CTNNA2: variants seen among roughly 807,000 people sequenced by gnomAD.
CTNNA2 encodes the protein catenin alpha-2.
In CTNNA2, 42 loss-of-function variants were observed where a neutral mutation model predicts 101.0. The observed-to-expected ratio is 0.42, with a 90% CI of 0.32 to 0.54. CTNNA2 has a LOEUF of 0.54. Among genes scored for constraint, CTNNA2 ranks in the 20% least tolerant of loss-of-function variants. The probability of loss-of-function intolerance (pLI) is 0.14; values close to 1 mark genes in which losing one functional copy is unlikely to be tolerated. For missense variants in CTNNA2, 871 were observed against 1,223.1 expected (o/e 0.71, Z 4.29); for synonymous variants, 450 against 456.4 (o/e 0.99, Z 0.18).
rs144366693 is a variant in CTNNA2 at position 79,971,592 on chromosome 2, T to C, written c.1056+61795T>C. Among the ~76,000 whole-genome samples, 936 of 152,304 alleles carry C rather than the reference T, an allele frequency of 6.1e-3. 12 individuals carry two copies. The highest frequency in any genetic ancestry group is 0.021 in the African/African-American group (889 of 41,564). Reference sequence around the variant, plus strand: ...TCCCCCTTTTCAGAAGTGGGAAATATGGCTTTAACGTATTGTCTTACATCA... The same window carrying C: ...TCCCCCTTTTCAGAAGTGGGAAATACGGCTTTAACGTATTGTCTTACATCA... On this transcript the variant is annotated intron_variant, in intron 7 of 18. Transcript: ENST00000402739.
At chr2:80,288,054 T>C (rs1229748332) in intron 7 of CTNNA2, among the ~76,000 whole-genome samples, 1 of 152,178 alleles carries the variant, frequency 6.6e-6, no homozygotes, top group Non-Finnish European at 1.5e-5. Context: ...ACCCTATTTT[T>C]GTTGACACCT....
intron 7 of CTNNA2, among the ~76,000 whole-genome samples, chr2:80,067,394 A>G (rs1381858304): frequency 1.3e-5 from 2 of 152,128 alleles, no homozygotes; most frequent in African/African-American, 4.8e-5. Flanking sequence ...GAATATAAAC[A>G]TGTTTTATAT....
intron 3 of CTNNA2, among the ~76,000 whole-genome samples, chr2:79,762,667 A>G (rs1266352692): frequency 1.3e-5 from 2 of 152,176 alleles, no homozygotes; most frequent in Non-Finnish European, 2.9e-5. Flanking sequence ...ATTCATGTTT[A>G]TATTTCATTT....
At chr2:80,195,483 G>T (rs1013727072) in intron 7 of CTNNA2, among the ~76,000 whole-genome samples, 1 of 151,940 alleles carries the variant, frequency 6.6e-6, no homozygotes, top group East Asian at 1.9e-4. Flanking sequence ...TTGACAAATC[G>T]AGTCCAAGTT....
chr2:80,436,777 C>A (rs751492885), intron 9 of CTNNA2, among the ~76,000 whole-genome samples: 1 of 152,122 alleles, frequency 6.6e-6, no homozygotes, highest in Non-Finnish European at 1.5e-5. Context: ...TGTCAGTCCT[C>A]TTTTATAAGC....
chr2:80,489,876 G>A (rs1425633852), intron 9 of CTNNA2, among the ~76,000 whole-genome samples: 1 of 152,154 alleles, frequency 6.6e-6, no homozygotes, highest in Non-Finnish European at 1.5e-5. Flanking sequence ...TAAAATATAA[G>A]AGGAGACTCA....
intron 7 of CTNNA2, among the ~76,000 whole-genome samples, chr2:80,349,599 A>T (rs2149294867): frequency 6.6e-6 from 1 of 150,796 alleles, no homozygotes; most frequent in Non-Finnish European, 1.5e-5. Context: ...GTTTGTCTTT[A>T]TTTCTTTAAC....
chr2:80,478,559 T>A (rs1572990340), intron 9 of CTNNA2, among the ~76,000 whole-genome samples: 1 of 152,262 alleles, frequency 6.6e-6, no homozygotes, highest in East Asian at 1.9e-4. Flanking sequence ...CTTGAGTTAA[T>A]TTTTGTAAAC....
At chr2:79,872,489 C>T (rs1682667292) in intron 5 of CTNNA2, among the ~76,000 whole-genome samples, 1 of 152,010 alleles carries the variant, frequency 6.6e-6, no homozygotes, top group Admixed American at 6.6e-5. Context: ...CCTCTCGTGC[C>T]CAAATCATTG....
chr2:79,975,363 C>T (rs774341662), intron 7 of CTNNA2, among the ~76,000 whole-genome samples: 3 of 152,172 alleles, frequency 2.0e-5, no homozygotes, highest in Non-Finnish European at 4.4e-5. Context: ...ACACCGTCAA[C>T]ACAAAACACT....
chr2:80,604,777 G>C (rs981372743), intron 16 of CTNNA2, among the ~76,000 whole-genome samples: 1 of 151,882 alleles, frequency 6.6e-6, no homozygotes, highest in Non-Finnish European at 1.5e-5. Context: ...GGGATGTGAT[G>C]GGTCATGATT....
At chr2:80,423,008 AT>A (rs1680667027) in intron 9 of CTNNA2, among the ~76,000 whole-genome samples, 1 of 152,022 alleles carries the variant, frequency 6.6e-6, no homozygotes, top group Non-Finnish European at 1.5e-5. Flanking sequence ...ATACATTTGT[AT>A]TTTTTGTTAG....
chr2:79,826,055 C>T (rs994315310), intron 3 of CTNNA2, among the ~76,000 whole-genome samples: 1 of 151,998 alleles, frequency 6.6e-6, no homozygotes, highest in African/African-American at 2.4e-5. Flanking sequence ...AAAAGAAGTA[C>T]CTTACAAAAT....
At chr2:80,472,395 C>A (rs375658718) in intron 9 of CTNNA2, among the ~76,000 whole-genome samples, 1 of 152,128 alleles carries the variant, frequency 6.6e-6, no homozygotes, top group African/African-American at 2.4e-5. Context: ...GGAGAAGGTG[C>A]CACATTACTC....
At chr2:79,431,612 A>G (rs376834654) in intron 4 of CTNNA2, among the ~76,000 whole-genome samples, 55 of 152,312 alleles carry the variant, frequency 3.6e-4, no homozygotes, top group Middle Eastern at 3.4e-3. Flanking sequence ...GAAAAATATA[A>G]TCCTCCTGCA....
chr2:80,239,728 A>G (rs1268237248), intron 7 of CTNNA2, among the ~76,000 whole-genome samples: 1 of 152,118 alleles, frequency 6.6e-6, no homozygotes, highest in African/African-American at 2.4e-5. Flanking sequence ...CCTGGCCAAC[A>G]TGGTGAAACC....
At chr2:80,054,232 A>G (rs974632046) in intron 7 of CTNNA2, among the ~76,000 whole-genome samples, 7 of 152,164 alleles carry the variant, frequency 4.6e-5, no homozygotes, top group African/African-American at 1.7e-4. Context: ...GCCTCTAGGG[A>G]GCCATTTACT....
chr2:79,485,895 A>G (rs1425330053), intron 4 of CTNNA2, among the ~76,000 whole-genome samples: 2 of 152,004 alleles, frequency 1.3e-5, no homozygotes, highest in Non-Finnish European at 2.9e-5. Flanking sequence ...TATCTTGCAA[A>G]TTTTCTGTTT....
intron 7 of CTNNA2, among the ~76,000 whole-genome samples, chr2:80,143,606 G>T (rs1703149668): frequency 6.6e-6 from 1 of 151,962 alleles, no homozygotes; most frequent in African/African-American, 2.4e-5. Flanking sequence ...CCCCAAGAAT[G>T]AACAATTTGG....
Sources: allele counts gnomAD v4.1 joint callset (sites outside exome capture counted in the v4.1 genomes callset), GRCh38; gene constraint gnomAD v4.1.1; transcripts MANE v1.5; gene names NCBI Gene and HGNC (gene_info 2026-07-23, HGNC 2026-07-21).